NEIL1: variants seen among roughly 807,000 people sequenced by gnomAD.
The protein encoded by NEIL1 is endonuclease 8-like 1.
In NEIL1, 31 loss-of-function variants were observed where a neutral mutation model predicts 44.2. That is an observed-to-expected ratio of 0.70 (90% CI 0.53 to 0.95). NEIL1 has a LOEUF of 0.95. Among genes scored for constraint, NEIL1 ranks in the 40% least tolerant of loss-of-function variants. NEIL1 has a pLI of 0.00. For missense variants in NEIL1, 549 were observed against 515.5 expected, an observed-to-expected ratio of 1.07 and a Z score of -0.63; for synonymous variants, 254 against 209.7, an observed-to-expected ratio of 1.21 and a Z score of -1.83.
Position 75,352,240 on chromosome 15 carries a change from C to G in NEIL1, c.554+10C>G, listed in dbSNP as rs762608339. The G allele has an allele frequency of 1.9e-6, 3 of 1,614,258 alleles. No individual in the cohort carries two copies. In the Admixed American group the frequency reaches 5.0e-5, roughly 27 times the overall value. ...CAGAGATCCTGTACCGGTCAGCAAG[C>G]AGGCATGGGCATGGGGACTGCGGTG... On this transcript the variant is annotated intron_variant, in intron 3 of 9. Coordinates refer to ENST00000355059, the MANE Select transcript of NEIL1 (RefSeq NM_024608.4).
rs1425520042 is a variant in NEIL1, at chr15:75,355,750, C to G, written c.*716C>G. ...CCCACCCCAGACTTCCCACCCCCACCCCAAGCGTGAGGATGGGCCCTAAGG... is the reference window on the plus strand; with the variant it reads ...CCCACCCCAGACTTCCCACCCCCACGCCAAGCGTGAGGATGGGCCCTAAGG... On this transcript the variant is annotated 3_prime_UTR_variant, in exon 10 of 10. Transcript: ENST00000355059. 2 of 807,688 alleles carry G rather than the reference C, an allele frequency of 2.5e-6. No individual in the cohort carries two copies. Among genetic ancestry groups the G allele is most frequent in the African/African-American group, 1.8e-5 (1 of 56,590 alleles). 50.0% of individuals were successfully genotyped at this position (807,688 alleles called of 1,614,324 possible).
rs764077762 is a variant in NEIL1 at position 75,349,285 on chromosome 15, GA to G, written c.383del (p.Lys128SerfsTer25). 9 of 1,611,498 alleles carry G rather than the reference GA, an allele frequency of 5.6e-6. No individual in the cohort carries two copies. The East Asian group carries it at 2.0e-4, about 36-fold the overall frequency. On this transcript the variant is annotated frameshift_variant, in exon 2 of 10. Transcript: ENST00000355059. LOFTEE classifies it high-confidence loss of function. ...IRRFGRWDLG[G>X]KWQPGRGPCV... is the part of the protein sequence containing the mutation. ...CGGTTCGGCCGCTGGGACCTTGGGG[GA>G]AAGTGGCAGCCGGGCCGCGGGCCCT...
In NEIL1 at chr15:75,355,950, G is replaced by C. The variant is rs779226176; in HGVS notation, c.*916G>C. On this transcript the variant is annotated 3_prime_UTR_variant, in exon 10 of 10. Coordinates refer to ENST00000355059, the MANE Select transcript of NEIL1 (RefSeq NM_024608.4). ...AGCACGAGCAACAGGGACAGCACTT[G>C]GAAGGGAGAAAAGGTGAGCTTCAGG... 5 of 1,614,092 alleles carry C rather than the reference G, an allele frequency of 3.1e-6. No individual in the cohort carries two copies. Among genetic ancestry groups the C allele is most frequent in the Non-Finnish European group, 4.2e-6 (5 of 1,180,046 alleles).
At chr15:75,347,937 T>C (rs1315993231) in intron 1 of NEIL1, 2 of 1,249,036 alleles carry the variant, frequency 1.6e-6, no homozygotes, top group East Asian at 1.3e-4. Flanking sequence ...CTGCCGTCGC[T>C]AAGTGCCCCC....
In NEIL1 at chr15:75,353,826, G is replaced by A. The variant is rs1289366090; in HGVS notation, c.806G>A (p.Ser269Asn). 1.2e-6 allele frequency: 2 copies of A among 1,613,724 alleles called. No individual in the cohort carries two copies. The highest frequency in any genetic ancestry group is 1.7e-6 in the Non-Finnish European group (2 of 1,180,026). ...WLRCYGMPGM[S>N]SLQDRHGRTI... is the part of the protein sequence containing the mutation. ...CGCTGCTATGGCATGCCAGGCATGA[G>A]CTCCCTGCAGGACCGGCATGGCCGT... Residue 269 changes from serine (S) to asparagine (N), a missense_variant, in exon 6 of 10, where the codon AGC becomes AAC. Coordinates refer to ENST00000355059, the MANE Select transcript of NEIL1 (RefSeq NM_024608.4).
rs748567866 is a variant in NEIL1, at chr15:75,356,660, C to T, written c.*1626C>T. 2.0e-5 allele frequency: 32 copies of T among 1,581,972 alleles called. No individual in the cohort carries two copies. Among genetic ancestry groups the T allele is most frequent in the South Asian group, 1.7e-4 (15 of 87,752 alleles). Reference sequence around the variant, plus strand: ...TCGTGGCGCCCCGTGTCAGCAGTAGCGTCCGGGGCTTTAGGCGCCCGCAAG... The same window carrying T: ...TCGTGGCGCCCCGTGTCAGCAGTAGTGTCCGGGGCTTTAGGCGCCCGCAAG... On this transcript the variant is annotated 3_prime_UTR_variant, in exon 10 of 10. Transcript: ENST00000355059. This position sits in a 1 kb window ranked among gnomAD's most constrained non-coding sequence, Gnocchi z 5.8.
In NEIL1 at chr15:75,357,056, C is replaced by T. The variant is rs1024975724; in HGVS notation, c.*2022C>T. ...ACGGGGCCCTGGGCATGCCACCCAA[C>T]CTGCCTAAGCCTCAGTTTCCTTATC... On this transcript the variant is annotated 3_prime_UTR_variant, in exon 10 of 10. Transcript: ENST00000355059. 1.6e-6 allele frequency: 1 copy of T among 612,344 alleles called. No homozygotes were observed. Among genetic ancestry groups the T allele is most frequent in the South Asian group, 2.0e-5 (1 of 50,514 alleles). The allele number at this position is 612,344 out of a possible 1,614,324, so 37.9% of individuals were successfully genotyped here.
chr15:75,349,996 G>GTT (rs1211585336), intron 2 of NEIL1, among the ~76,000 whole-genome samples: 1 of 152,196 alleles, frequency 6.6e-6, no homozygotes, highest in Non-Finnish European at 1.5e-5. Flanking sequence ...CTTTAATATG[G>GTT]TAAGTGAGGC....
rs1426730230 is a variant in NEIL1 at position 75,351,748 on chromosome 15, A to G, written c.435-363A>G. Among the ~76,000 whole-genome samples the G allele has an allele frequency of 3.3e-5, 5 of 151,916 alleles. No individual in the cohort carries two copies. In the East Asian group the frequency reaches 9.7e-4, roughly 29 times the overall value. On this transcript the variant is annotated intron_variant, in intron 2 of 9. Coordinates refer to ENST00000355059, the MANE Select transcript of NEIL1 (RefSeq NM_024608.4). ...GAGATTCTGCTGCTTCAGGCCTCCCAAGTAGCTGGGATTACAGGCACCCAC... is the reference window on the plus strand; with the variant it reads ...GAGATTCTGCTGCTTCAGGCCTCCCGAGTAGCTGGGATTACAGGCACCCAC...
intron 5 of NEIL1, chr15:75,353,307 C>T: frequency 3.5e-6 from 1 of 283,656 alleles, no homozygotes; most frequent in Non-Finnish European, 7.1e-6. Flanking sequence ...CCTGGACTAG[C>T]CTCAAACTGG....
In NEIL1 at chr15:75,355,538, C is replaced by G; in HGVS notation, c.*504C>G. ...CCAGGCAAAACCCACCCTTCGGCCC[C>G]TCCCCAGCCCCAGGCCCAGGCCCTT... On this transcript the variant is annotated 3_prime_UTR_variant, in exon 10 of 10. Coordinates refer to ENST00000355059, the MANE Select transcript of NEIL1 (RefSeq NM_024608.4). The G allele has an allele frequency of 3.9e-6, 1 of 256,204 alleles. No individual in the cohort carries two copies. Among genetic ancestry groups the G allele is most frequent in the Non-Finnish European group, 7.6e-6 (1 of 132,416 alleles). The allele number at this position is 256,204 out of a possible 1,614,324, so 15.9% of individuals were successfully genotyped here.
rs925043740 is a variant in NEIL1 at position 75,355,767 on chromosome 15, G to A, written c.*733G>A. The A allele has an allele frequency of 2.0e-6, 2 of 989,564 alleles. No individual in the cohort carries two copies. The highest frequency in any genetic ancestry group is 3.3e-5 in the African/African-American group (2 of 60,710). The allele number at this position is 989,564 out of a possible 1,614,324, so 61.3% of individuals were successfully genotyped here. A position where few individuals can be genotyped will look rare whatever the true frequency, so the allele number is the denominator to read the frequency against. On this transcript the variant is annotated 3_prime_UTR_variant, in exon 10 of 10. Coordinates refer to ENST00000355059, the MANE Select transcript of NEIL1 (RefSeq NM_024608.4). ...ACCCCCACCCCAAGCGTGAGGATGG[G>A]CCCTAAGGGGACTGAGCAGCAGGGT...
At position 75,348,911 on chromosome 15, in the gene NEIL1, T is replaced by A. The variant is rs756096270; in HGVS notation, c.6T>A (p.Pro2=). ...CTCTGCCACCCTCCCTCAGGATGCCTGAGGGCCCCGAGCTGCACCTGGCCA... is the reference window on the plus strand; with the variant it reads ...CTCTGCCACCCTCCCTCAGGATGCCAGAGGGCCCCGAGCTGCACCTGGCCA... M[P]EGPELHLASQ... is the part of the protein sequence containing the mutation. The change falls in exon 2 of 10, where the codon CCT becomes CCA. Residue 2 remains proline, a synonymous_variant. Transcript: ENST00000355059. 1.2e-6 allele frequency: 2 copies of A among 1,611,026 alleles called. No individual in the cohort carries two copies. The highest frequency in any genetic ancestry group is 1.3e-5 in the African/African-American group (1 of 74,918).
chr15:75,349,689 C>A, intron 2 of NEIL1: 1 of 241,632 alleles, frequency 4.1e-6, no homozygotes, highest in Admixed American at 5.0e-5. Flanking sequence ...TGGCACATGC[C>A]TGTAACCCCA....
In NEIL1 at chr15:75,354,434, G is replaced by A. The variant is rs746479991; in HGVS notation, c.878G>A (p.Arg293His). ...GDPGPLAPKG[R>H]KSRKKKSKAT... ...CTCCAACACCAGTGTCCTGCAGGGC[G>A]CAAGTCCCGCAAAAAGAAATCCAAG... The change falls in exon 8 of 10, where the codon CGC becomes CAC. Residue 293 changes from arginine (R) to histidine (H), a missense_variant. Coordinates refer to ENST00000355059, the MANE Select transcript of NEIL1 (RefSeq NM_024608.4). 20 of 1,614,188 alleles carry A rather than the reference G, an allele frequency of 1.2e-5. No homozygotes were observed. Among genetic ancestry groups the A allele is most frequent in the Admixed American group, 1.2e-4 (7 of 60,024 alleles).
chr15:75,348,761 C>T lies in NEIL1; in HGVS notation c.-22-123C>T, dbSNP rs2071638113. 5 of 1,459,096 alleles carry T rather than the reference C, an allele frequency of 3.4e-6. No individual in the cohort carries two copies. The South Asian group carries it at 6.9e-5, about 20-fold the overall frequency. The allele number at this position is 1,459,096 out of a possible 1,614,324, so 90.4% of individuals were successfully genotyped here. Reference sequence around the variant, plus strand: ...GGGCCGTGGCCAGGCCCGCACTTTCCTGCCAGCCGCAGCTGGCCACATGCC... The same window carrying T: ...GGGCCGTGGCCAGGCCCGCACTTTCTTGCCAGCCGCAGCTGGCCACATGCC... On this transcript the variant is annotated intron_variant, in intron 1 of 9. Transcript: ENST00000355059.
Position 75,349,803 on chromosome 15 carries a change from G to A in NEIL1, c.434+464G>A, listed in dbSNP as rs554331571. ...CACTCCAGTCTGGGCAACAGAGCAC[G>A]ACTCTGTCTCAAAAAATAATGATAA... On this transcript the variant is annotated intron_variant, in intron 2 of 9. Transcript: ENST00000355059. 4.8e-5 allele frequency: 8 copies of A among 166,540 alleles called. No homozygotes were observed. The East Asian group carries it at 4.9e-4, about 10-fold the overall frequency. The allele number at this position is 166,540 out of a possible 1,614,324, so 10.3% of individuals were successfully genotyped here.
rs2072254213 is a variant in NEIL1 at position 75,355,151 on chromosome 15, C to A, written c.*117C>A. On this transcript the variant is annotated 3_prime_UTR_variant, in exon 10 of 10. Coordinates refer to ENST00000355059, the MANE Select transcript of NEIL1 (RefSeq NM_024608.4). ...GTGCAAACAGGCCCTACGGCTGTTCCCTGCACAACTCTCATGGTTTTAATT... is the reference window on the plus strand; with the variant it reads ...GTGCAAACAGGCCCTACGGCTGTTCACTGCACAACTCTCATGGTTTTAATT... 2 of 750,486 alleles carry A rather than the reference C, an allele frequency of 2.7e-6. No homozygotes were observed. Among genetic ancestry groups the A allele is most frequent in the South Asian group, 1.8e-5 (1 of 56,262 alleles). 46.5% of individuals were successfully genotyped at this position (750,486 alleles called of 1,614,324 possible).
chr15:75,354,427 G>A lies in NEIL1; in HGVS notation c.875-4G>A. The stretch of plus-strand genomic sequence containing the variant: ...CCTCCAACTCCAACACCAGTGTCCT[G>A]CAGGGCGCAAGTCCCGCAAAAAGAA... On this transcript the variant is annotated splice_region_variant and splice_polypyrimidine_tract_variant and intron_variant, in intron 7 of 9. Transcript: ENST00000355059. 1 of 1,614,196 alleles carries A rather than the reference G, an allele frequency of 6.2e-7. No homozygotes were observed. The highest frequency in any genetic ancestry group is 8.5e-7 in the Non-Finnish European group (1 of 1,180,020).
Sources: allele counts gnomAD v4.1 joint callset (sites outside exome capture counted in the v4.1 genomes callset), GRCh38; gene constraint gnomAD v4.1.1; non-coding constraint Gnocchi (gnomAD v3.1); transcripts MANE v1.5; gene names NCBI Gene and HGNC (gene_info 2026-07-23, HGNC 2026-07-21).